Variants in DIAPH3 observed in about 807,000 individuals in gnomAD.
DIAPH3 encodes diaphanous related formin 3, also known as protein diaphanous homolog 3.
In DIAPH3, 117 loss-of-function variants were observed where a neutral mutation model predicts 144.3. The observed-to-expected ratio is 0.81, with a 90% CI of 0.70 to 0.95. The LOEUF (loss-of-function observed/expected upper bound fraction) is 0.95, where lower values mean the gene tolerates loss of function less well. DIAPH3 is among the 40% of genes least tolerant of loss of function. The pLI, the probability that DIAPH3 is intolerant of heterozygous loss-of-function variation, is 0.00. For missense variants in DIAPH3, 1,421 were observed against 1,412.7 expected, an observed-to-expected ratio of 1.01 and a Z score of -0.09; for synonymous variants, 519 against 488.9, an observed-to-expected ratio of 1.06 and a Z score of -0.81.
At chr13:59,864,081 A>C (rs1396830209) in intron 21 of DIAPH3, among the ~76,000 whole-genome samples, 3 of 152,126 alleles carry the variant, frequency 2.0e-5, no homozygotes, top group African/African-American at 7.2e-5. Flanking sequence ...AAATGTAGTA[A>C]TAATCTCATT....
intron 25 of DIAPH3, among the ~76,000 whole-genome samples, chr13:59,800,165 C>T (rs12864721): frequency 0.17 from 26,385 of 152,150 alleles, 2,852 homozygotes; most frequent in Non-Finnish European, 0.24. Flanking sequence ...TAGAAACCCT[C>T]ATTACTCATT....
At chr13:59,876,919 T>C (rs1264685340) in intron 21 of DIAPH3, among the ~76,000 whole-genome samples, 1 of 152,142 alleles carries the variant, frequency 6.6e-6, no homozygotes, top group Non-Finnish European at 1.5e-5. Flanking sequence ...CCATTCTTGC[T>C]TGCCTCCTTC....
chr13:60,081,470 C>T (rs1035206607), intron 4 of DIAPH3, among the ~76,000 whole-genome samples: 2 of 151,862 alleles, frequency 1.3e-5, no homozygotes, highest in Admixed American at 6.6e-5. Context: ...CATAAATTGG[C>T]ATAGAATAAA....
intron 17 of DIAPH3, among the ~76,000 whole-genome samples, chr13:59,946,628 A>G (rs1311037365): frequency 6.6e-6 from 1 of 152,216 alleles, no homozygotes; most frequent in Admixed American, 6.5e-5. Context: ...ACACACAAAG[A>G]GAAACAAACA....
chr13:59,910,826 G>GTT (rs551829721), intron 20 of DIAPH3, among the ~76,000 whole-genome samples: 1 of 142,846 alleles, frequency 7.0e-6, no homozygotes, highest in Admixed American at 7.0e-5. Context: ...TCTATTTGGA[G>GTT]TTTTTTTTTT....
intron 2 of DIAPH3, among the ~76,000 whole-genome samples, chr13:60,113,102 C>T (rs1006929324): frequency 2.6e-5 from 4 of 152,120 alleles, no homozygotes; most frequent in African/African-American, 9.7e-5. Flanking sequence ...GTTCTCACCA[C>T]GTATACTGTA....
chr13:59,924,511 T>C lies in DIAPH3; in HGVS notation c.2170+264A>G, dbSNP rs766977399. Among the ~76,000 whole-genome samples, 72 of 151,716 alleles carry C rather than the reference T, an allele frequency of 4.7e-4. 1 individual carries two copies. The highest frequency in any genetic ancestry group is 5.0e-4 in the Non-Finnish European group (34 of 67,884). ...TTTTATACTTTAAAAAAAGGGACTT[T>C]AAAGAGTAGCTGTTTTTTTTTTTCA... On this transcript the variant is annotated intron_variant, in intron 18 of 27. Coordinates refer to ENST00000400324, the MANE Select transcript of DIAPH3 (RefSeq NM_001042517.2).
At chr13:60,148,923 G>C (rs1000108307) in intron 1 of DIAPH3, among the ~76,000 whole-genome samples, 6 of 152,178 alleles carry the variant, frequency 3.9e-5, no homozygotes, top group Non-Finnish European at 8.8e-5. Flanking sequence ...TAAACCTCTT[G>C]AAATCAAGGA....
At chr13:59,827,166 GC>G (rs1179881310) in intron 24 of DIAPH3, among the ~76,000 whole-genome samples, 12 of 151,958 alleles carry the variant, frequency 7.9e-5, no homozygotes, top group African/African-American at 2.9e-4. Context: ...GGCAACAAAA[GC>G]CAAAATTGAC....
intron 17 of DIAPH3, among the ~76,000 whole-genome samples, chr13:59,944,889 CT>C (rs1470786295): frequency 1.3e-5 from 2 of 151,960 alleles, no homozygotes; most frequent in African/African-American, 4.8e-5. Context: ...AGTAATCAAT[CT>C]TTCCAGGCTC....
chr13:60,111,605 C>G (rs2058569465), intron 3 of DIAPH3, among the ~76,000 whole-genome samples: 1 of 152,188 alleles, frequency 6.6e-6, no homozygotes, highest in South Asian at 2.1e-4. Flanking sequence ...TTATGAGCAT[C>G]TAACTAATGC....
intron 2 of DIAPH3, among the ~76,000 whole-genome samples, chr13:60,132,575 T>C (rs760235471): frequency 2.6e-5 from 4 of 152,126 alleles, no homozygotes; most frequent in Non-Finnish European, 4.4e-5. Context: ...AAAATATATA[T>C]GCATAATATT....
At chr13:59,795,235 G>A (rs1415957367) in intron 25 of DIAPH3, among the ~76,000 whole-genome samples, 3 of 150,622 alleles carry the variant, frequency 2.0e-5, no homozygotes, top group East Asian at 2.0e-4. Context: ...TGGTGCTCTG[G>A]GTTATTATAT....
chr13:59,677,645 C>T (rs968840076), intron 27 of DIAPH3, among the ~76,000 whole-genome samples: 1 of 152,122 alleles, frequency 6.6e-6, no homozygotes, highest in Non-Finnish European at 1.5e-5. Flanking sequence ...GTCTACTGTA[C>T]TGGACAGCAC....
intron 21 of DIAPH3, among the ~76,000 whole-genome samples, chr13:59,867,995 C>A (rs1248978645): frequency 2.0e-5 from 3 of 152,066 alleles, no homozygotes; most frequent in African/African-American, 7.2e-5. Flanking sequence ...TATCAGCACT[C>A]TCCACCTAAC....
intron 25 of DIAPH3, among the ~76,000 whole-genome samples, chr13:59,794,201 G>A (rs1453412657): frequency 1.3e-5 from 2 of 152,120 alleles, no homozygotes; most frequent in Non-Finnish European, 2.9e-5. Context: ...ATGCAGCTTT[G>A]ACTTAAAATA....
At position 60,110,297 on chromosome 13, in the gene DIAPH3, G is replaced by A. The variant is rs541898523; in HGVS notation, c.390+1713C>T. On this transcript the variant is annotated intron_variant, in intron 3 of 27. Coordinates refer to ENST00000400324, the MANE Select transcript of DIAPH3 (RefSeq NM_001042517.2). ...TTTAAATAGTATAAAGCCTCTGTAG[G>A]TACAAATGCCAAAAGGTTACCATGG... 1.2e-4 allele frequency among the ~76,000 whole-genome samples: 18 copies of A among 152,240 alleles called. 1 individual carries two copies. In the East Asian group the frequency reaches 2.5e-3, roughly 21 times the overall value.
chr13:59,974,275 T>A, intron 15 of DIAPH3, 77 bp downstream of exon 15: 1 of 1,030,394 alleles, frequency 9.7e-7, no homozygotes, highest in Non-Finnish European at 1.5e-6. Flanking sequence ...AACATTTTGA[T>A]GCTATGAAGA....
intron 4 of DIAPH3, among the ~76,000 whole-genome samples, chr13:60,063,856 G>A (rs1022345130): frequency 8.6e-5 from 13 of 151,988 alleles, no homozygotes; most frequent in Admixed American, 2.0e-4. Flanking sequence ...TTGAACCCAG[G>A]AGGCGGAGGT....
Sources: allele counts gnomAD v4.1 joint callset (sites outside exome capture counted in the v4.1 genomes callset), GRCh38; gene constraint gnomAD v4.1.1; transcripts MANE v1.5; gene names NCBI Gene and HGNC (gene_info 2026-07-23, HGNC 2026-07-21).